Variants in FANCL observed in about 807,000 individuals in gnomAD.
FANCL encodes FA complementation group L.
In FANCL, 69 loss-of-function variants were observed where a neutral mutation model predicts 59.4. The ratio of observed to expected loss-of-function variants is 1.16; its 90% confidence interval spans 0.96 to 1.42. FANCL has a LOEUF of 1.42. FANCL is among the 40% of genes most tolerant of loss of function. The pLI is 0.00. For missense variants in FANCL, 519 were observed against 447.2 expected (o/e 1.16, Z -1.45); for synonymous variants, 180 against 147.1 (o/e 1.22, Z -1.62).
At chr2:58,180,792 C>A (rs962678438) in intron 7 of FANCL, among the ~76,000 whole-genome samples, 2 of 151,844 alleles carry the variant, frequency 1.3e-5, no homozygotes, top group Non-Finnish European at 2.9e-5. Context: ...AGCTACTGTG[C>A]CATTGTTTAA....
intron 1 of FANCL, among the ~76,000 whole-genome samples, chr2:58,237,313 CAAAA>C (rs1344724964): frequency 4.0e-5 from 6 of 151,814 alleles, no homozygotes; most frequent in African/African-American, 1.5e-4. Flanking sequence ...AAATCAATAA[CAAAA>C]AGATATCTAG....
At chr2:58,219,385 G>A (rs1692249845) in intron 5 of FANCL, among the ~76,000 whole-genome samples, 1 of 149,514 alleles carries the variant, frequency 6.7e-6, no homozygotes, top group African/African-American at 2.5e-5. Context: ...AAATAAATGA[G>A]AGGGAACAAA....
At chr2:58,195,017 T>A (rs1268120546) in intron 7 of FANCL, among the ~76,000 whole-genome samples, 3 of 152,028 alleles carry the variant, frequency 2.0e-5, no homozygotes, top group Admixed American at 1.3e-4. Flanking sequence ...AAGGGATTTT[T>A]AAAAAATCAA....
Position 58,160,233 on chromosome 2 carries a change from T to C in FANCL, c.1021-54A>G. ...CGTCAGCATGATTACAAATTACAGA[T>C]ACTCCAAATGTCATTCCCTTTGTTT... is the stretch of plus-strand genomic sequence containing the variant. On this transcript the variant is annotated intron_variant, in intron 12 of 13. Coordinates refer to ENST00000233741, the MANE Select transcript of FANCL (RefSeq NM_018062.4). 4.6e-6 allele frequency: 7 copies of C among 1,518,458 alleles called. 1 individual carries two copies. In the South Asian group the frequency reaches 7.9e-5, roughly 17 times the overall value. 94.1% of individuals were successfully genotyped at this position (1,518,458 alleles called of 1,614,324 possible). A position where few individuals can be genotyped will look rare whatever the true frequency, so the allele number is the denominator to read the frequency against.
chr2:58,221,183 G>C (rs1692443619), intron 5 of FANCL, among the ~76,000 whole-genome samples: 1 of 150,984 alleles, frequency 6.6e-6, no homozygotes, highest in African/African-American at 2.4e-5. Flanking sequence ...GCGAGACTCG[G>C]TCTCAAAAAA....
At chr2:58,217,652 A>G (rs1208843310) in intron 5 of FANCL, among the ~76,000 whole-genome samples, 1 of 152,084 alleles carries the variant, frequency 6.6e-6, no homozygotes, top group African/African-American at 2.4e-5. Flanking sequence ...TATAGCAATT[A>G]TAAATCTGTA....
intron 6 of FANCL, among the ~76,000 whole-genome samples, chr2:58,201,888 C>T (rs1165653994): frequency 6.6e-6 from 1 of 151,530 alleles, no homozygotes; most frequent in African/African-American, 2.4e-5. Flanking sequence ...CATTTATTTA[C>T]TGTATATTTA....
At chr2:58,236,803 G>A (rs1350173074) in intron 1 of FANCL, among the ~76,000 whole-genome samples, 1 of 151,922 alleles carries the variant, frequency 6.6e-6, no homozygotes, top group African/African-American at 2.4e-5. Flanking sequence ...AAAGAAAGAT[G>A]CAATCTATAT....
intron 4 of FANCL, among the ~76,000 whole-genome samples, chr2:58,225,706 A>C (rs925665933): frequency 2.6e-5 from 4 of 152,088 alleles, no homozygotes; most frequent in Non-Finnish European, 5.9e-5. Flanking sequence ...GCCAGATTAC[A>C]AAGAAAGTAG....
intron 7 of FANCL, among the ~76,000 whole-genome samples, chr2:58,176,424 A>C (rs977182653): frequency 2.0e-5 from 3 of 151,988 alleles, no homozygotes; most frequent in Admixed American, 2.0e-4. Context: ...ACTGGTACCA[A>C]AACAGAGATA....
At chr2:58,224,887 CAAAAAG>C (rs1450767496) in intron 4 of FANCL, among the ~76,000 whole-genome samples, 3 of 151,744 alleles carry the variant, frequency 2.0e-5, no homozygotes, top group Non-Finnish European at 4.4e-5. Flanking sequence ...ATATTCTTTC[CAAAAAG>C]TATTTTTTCT....
chr2:58,165,933 T>C, intron 7 of FANCL, 59 bp from the exon 8 acceptor site: 1 of 1,550,390 alleles, frequency 6.4e-7, no homozygotes, highest in Non-Finnish European at 8.9e-7. Flanking sequence ...GCAGATAATC[T>C]TTTACTTAAA....
At chr2:58,171,157 G>A (rs1177457797) in intron 7 of FANCL, among the ~76,000 whole-genome samples, 1 of 151,964 alleles carries the variant, frequency 6.6e-6, no homozygotes, top group African/African-American at 2.4e-5. Flanking sequence ...GCAAAAGGAT[G>A]GAATTCAATA....
Position 58,232,035 on chromosome 2 carries a change from T to A in FANCL, c.155+19A>T. 6.2e-7 allele frequency: 1 copy of A among 1,610,154 alleles called. No individual in the cohort carries two copies. The highest frequency in any genetic ancestry group is 8.5e-7 in the Non-Finnish European group (1 of 1,176,694). On this transcript the variant is annotated intron_variant, in intron 2 of 13. Coordinates refer to ENST00000233741, the MANE Select transcript of FANCL (RefSeq NM_018062.4). ...ACCAAAATGCAAAAATGCACGTTTATAACTAAACACCATATCACCTTGCAT... is the reference window on the plus strand; with the variant it reads ...ACCAAAATGCAAAAATGCACGTTTAAAACTAAACACCATATCACCTTGCAT...
intron 7 of FANCL, among the ~76,000 whole-genome samples, chr2:58,186,359 CAAT>C (rs1688404812): frequency 2.0e-5 from 3 of 152,144 alleles, no homozygotes; most frequent in South Asian, 4.1e-4. Context: ...TAGCATACAA[CAAT>C]GACAATTGGC....
intron 7 of FANCL, among the ~76,000 whole-genome samples, chr2:58,166,623 CT>C (rs1685979430): frequency 6.6e-6 from 1 of 152,124 alleles, no homozygotes. Flanking sequence ...TTACTAAATA[CT>C]TTTGATACAA....
At chr2:58,176,890 G>A (rs1687380732) in intron 7 of FANCL, among the ~76,000 whole-genome samples, 1 of 151,948 alleles carries the variant, frequency 6.6e-6, no homozygotes, top group Admixed American at 6.6e-5. Flanking sequence ...ATCTGACAAA[G>A]GGCTAATATC....
intron 2 of FANCL, among the ~76,000 whole-genome samples, chr2:58,231,791 T>C (rs1449125495): frequency 6.6e-6 from 1 of 152,230 alleles, no homozygotes; most frequent in Non-Finnish European, 1.5e-5. Flanking sequence ...TCAGTATTTG[T>C]TAGTGAAGTG....
intron 1 of FANCL, among the ~76,000 whole-genome samples, chr2:58,237,519 A>G (rs1223245150): frequency 6.6e-6 from 1 of 152,132 alleles, no homozygotes; most frequent in African/African-American, 2.4e-5. Flanking sequence ...GAAAGATCTC[A>G]TATCAATAAT....
Sources: gnomAD v4.1 joint callset for allele counts (sites outside exome capture counted in the v4.1 genomes callset) on GRCh38, gnomAD v4.1.1 for gene constraint, MANE v1.5 for transcripts, NCBI Gene and HGNC (gene_info 2026-07-23, HGNC 2026-07-21) for gene names.